The following CCDC138 variants were observed in gnomAD, a reference collection of about 807,000 sequenced individuals.
CCDC138 encodes the protein coiled-coil domain containing 138.
Under a neutral mutation model 82.3 loss-of-function variants are expected in CCDC138, and 66 were observed. The ratio of observed to expected loss-of-function variants is 0.80; its 90% CI spans 0.66 to 0.98. The LOEUF is 0.98. Ranked by LOEUF, CCDC138 falls within the 50% of genes least tolerant of loss-of-function variation. The pLI is 0.00. For missense variants in CCDC138, 816 were observed against 758.9 expected (o/e 1.08, Z -0.88); for synonymous variants, 297 against 265.4 (o/e 1.12, Z -1.16).
chr2:108,839,343 C>G, intron 11 of CCDC138, 42 bp downstream of exon 11: 1 of 1,462,634 alleles, frequency 6.8e-7, no homozygotes, highest in East Asian at 2.3e-5. Flanking sequence ...AATACTCCAC[C>G]TAATATTACT....
intron 10 of CCDC138, among the ~76,000 whole-genome samples, chr2:108,834,349 A>T (rs1688238238): frequency 6.6e-6 from 1 of 151,624 alleles, no homozygotes; most frequent in African/African-American, 2.4e-5. Context: ...AGTAGCTGGG[A>T]TTGCAGGTGC....
At chr2:108,813,535 G>A (rs371408336) in intron 9 of CCDC138, among the ~76,000 whole-genome samples, 20 of 152,194 alleles carry the variant, frequency 1.3e-4, no homozygotes, top group African/African-American at 4.3e-4. Flanking sequence ...CACTCCACAA[G>A]CATTTGCTAT....
intron 10 of CCDC138, among the ~76,000 whole-genome samples, chr2:108,828,703 G>A (rs1687054240): frequency 6.6e-6 from 1 of 152,140 alleles, no homozygotes; most frequent in African/African-American, 2.4e-5. Flanking sequence ...ACTCGGCTGG[G>A]CGTGGTGGTT....
chr2:108,816,056 A>G lies in CCDC138; in HGVS notation c.1157A>G (p.Gln386Arg), dbSNP rs1350049312. The change falls in exon 10 of 15, where the codon CAA becomes CGA. Residue 386 changes from glutamine (Q) to arginine (R), a missense_variant. Coordinates refer to ENST00000295124, the MANE Select transcript of CCDC138 (RefSeq NM_144978.3). ...EESGMDGKKPQLKFASQRNDI... is the reference protein window; with the variant it reads ...EESGMDGKKPRLKFASQRNDI... ...TCTGGAATGGATGGTAAAAAACCACAACTCAAATTTGCTTCCCAGAGAAAT... is the reference window on the plus strand; with the variant it reads ...TCTGGAATGGATGGTAAAAAACCACGACTCAAATTTGCTTCCCAGAGAAAT... 4 of 1,613,268 alleles carry G rather than the reference A, an allele frequency of 2.5e-6. No homozygotes were observed. Among genetic ancestry groups the G allele is most frequent in the South Asian group, 1.1e-5 (1 of 90,782 alleles).
intron 5 of CCDC138, among the ~76,000 whole-genome samples, chr2:108,795,267 G>A (rs1031730055): frequency 7.0e-6 from 1 of 142,062 alleles, no homozygotes; most frequent in Non-Finnish European, 1.5e-5. Context: ...TGATTCTCCT[G>A]CCTCAGCCTC....
intron 10 of CCDC138, among the ~76,000 whole-genome samples, chr2:108,824,068 CAGTG>C (rs1319250282): frequency 1.3e-5 from 2 of 151,960 alleles, no homozygotes; most frequent in Admixed American, 6.6e-5. Flanking sequence ...CTGGGAGAGT[CAGTG>C]AGTGAGTAGT....
chr2:108,813,589 A>G (rs796764195), intron 9 of CCDC138, among the ~76,000 whole-genome samples: 2 of 152,188 alleles, frequency 1.3e-5, no homozygotes, highest in African/African-American at 2.4e-5. Flanking sequence ...ATGGATTTCC[A>G]TATGTCTTTT....
chr2:108,872,006 C>T (rs538827392), intron 13 of CCDC138, among the ~76,000 whole-genome samples: 1 of 152,280 alleles, frequency 6.6e-6, no homozygotes, highest in African/African-American at 2.4e-5. Flanking sequence ...CTCTCTCACA[C>T]GTACTTTGCC....
intron 11 of CCDC138, among the ~76,000 whole-genome samples, chr2:108,843,607 T>C (rs1385732560): frequency 1.3e-5 from 2 of 152,214 alleles, no homozygotes; most frequent in Non-Finnish European, 2.9e-5. Flanking sequence ...CAATTCTTTC[T>C]GCCCTCCATG....
chr2:108,806,606 C>T (rs1021169572), intron 7 of CCDC138, among the ~76,000 whole-genome samples: 4 of 151,990 alleles, frequency 2.6e-5, no homozygotes, highest in Non-Finnish European at 5.9e-5. Context: ...CATCGTAATG[C>T]GAAAACAGCC....
At chr2:108,859,477 C>T (rs1693204949) in intron 13 of CCDC138, among the ~76,000 whole-genome samples, 1 of 152,012 alleles carries the variant, frequency 6.6e-6, no homozygotes, top group South Asian at 2.1e-4. Context: ...TTTGCCTAGG[C>T]CAATGTCCAG....
chr2:108,878,019 C>T (rs1357733213), downstream of CCDC138, among the ~76,000 whole-genome samples: 1 of 152,198 alleles, frequency 6.6e-6, no homozygotes, highest in East Asian at 1.9e-4. Context: ...AATGGAATGA[C>T]AGCTTCAGAC....
At chr2:108,853,875 T>TATAA (rs1435731116) in intron 12 of CCDC138, among the ~76,000 whole-genome samples, 1 of 125,286 alleles carries the variant, frequency 8.0e-6, no homozygotes, top group African/African-American at 3.1e-5. Flanking sequence ...ATATATACTA[T>TATAA]ATAATATATT....
intron 11 of CCDC138, 57 bp from the exon 12 acceptor site, chr2:108,846,681 A>G (rs1690537484): frequency 2.6e-5 from 39 of 1,481,224 alleles, no homozygotes; most frequent in Middle Eastern, 2.3e-4. Context: ...TGTCTCAAAA[A>G]AAAAGATATA....
intron 2 of CCDC138, chr2:108,883,835 A>G (rs1696357193): frequency 6.6e-6 from 1 of 152,284 alleles, no homozygotes. Context: ...GCCCCTTTAT[A>G]AATTACGCAC....
chr2:108,802,338 C>A (rs1200153441), intron 6 of CCDC138, among the ~76,000 whole-genome samples: 2 of 118,344 alleles, frequency 1.7e-5, no homozygotes, highest in Non-Finnish European at 3.3e-5. Context: ...TTGAAGAGGT[C>A]CTTCACATCC....
chr2:108,803,249 G>T (rs1682271273), intron 6 of CCDC138, among the ~76,000 whole-genome samples: 1 of 152,178 alleles, frequency 6.6e-6, no homozygotes, highest in Non-Finnish European at 1.5e-5. Context: ...GCGGCTCAAA[G>T]TTGAGCCCAA....
intron 2 of CCDC138, among the ~76,000 whole-genome samples, chr2:108,788,553 T>TA (rs1029752618): frequency 3.5e-4 from 53 of 151,048 alleles, no homozygotes; most frequent in Non-Finnish European, 6.2e-4. Flanking sequence ...CCGTCTCTAC[T>TA]AAAAAAAATA....
chr2:108,856,858 C>G lies in CCDC138; in HGVS notation c.1581C>G (p.Thr527=). 6.2e-7 allele frequency: 1 copy of G among 1,613,086 alleles called. No individual in the cohort carries two copies. Among genetic ancestry groups the G allele is most frequent in the Non-Finnish European group, 8.5e-7 (1 of 1,179,528 alleles). ...ACTTGAAGACAGAAGAAGGAAAAAC[C>G]TTGTTTTTGGAGTATCAGGCTGTTC... is the stretch of plus-strand genomic sequence containing the variant. ...CLDLKTEEGK[T]LFLEYQAVPV... The change falls in exon 13 of 15, where the codon ACC becomes ACG. Residue 527 remains threonine, a synonymous_variant. Transcript: ENST00000295124.
Sources: gnomAD v4.1 joint callset for allele counts (sites outside exome capture counted in the v4.1 genomes callset) on GRCh38, gnomAD v4.1.1 for gene constraint, MANE v1.5 for transcripts, NCBI Gene and HGNC (gene_info 2026-07-23, HGNC 2026-07-21) for gene names.